Variants in PARP1 observed in about 807,000 individuals in gnomAD.
PARP1 encodes poly [ADP-ribose] polymerase 1.
A neutral mutation model predicts 118.7 loss-of-function variants in PARP1; 44 were observed. The observed-to-expected ratio is 0.37, with a 90% CI of 0.29 to 0.48. PARP1 has a LOEUF of 0.48. Among genes scored for constraint, PARP1 ranks in the 20% least tolerant of loss-of-function variants. The pLI, the probability that PARP1 is intolerant of heterozygous loss-of-function variation, is 0.99. For synonymous variants in PARP1, 492 were observed against 483.2 expected (o/e 1.02, Z -0.24); for missense variants, 1,100 against 1,272.4 (o/e 0.86, Z 2.06).
chr1:226,366,479 C>A, intron 17 of PARP1: 1 of 242,938 alleles, frequency 4.1e-6, no homozygotes, highest in South Asian at 5.7e-5. Context: ...TGGCTCAGAG[C>A]ACAGGCCTAA....
At chr1:226,406,740 T>TA (rs1358282775) in intron 1 of PARP1, among the ~76,000 whole-genome samples, 1 of 152,206 alleles carries the variant, frequency 6.6e-6, no homozygotes, top group Non-Finnish European at 1.5e-5. Context: ...CTGACTTAGG[T>TA]ATGCCCCGAG....
intron 1 of PARP1, among the ~76,000 whole-genome samples, chr1:226,404,392 T>C (rs1665097023): frequency 6.6e-6 from 1 of 152,256 alleles, no homozygotes; most frequent in Admixed American, 6.5e-5. Flanking sequence ...GGCCTCGACC[T>C]GGCTCTGCCT....
intron 13 of PARP1, 55 bp from the exon 14 acceptor site, chr1:226,374,409 A>G: frequency 6.2e-7 from 1 of 1,610,788 alleles, no homozygotes; most frequent in South Asian, 1.1e-5. Context: ...CAAGCAAGGT[A>G]TCTGCGTCTG....
chr1:226,408,081 C>T lies in PARP1; in HGVS notation c.-152G>A. 1.7e-6 allele frequency: 2 copies of T among 1,146,888 alleles called. No individual in the cohort carries two copies. The highest frequency in any genetic ancestry group is 2.5e-6 in the Non-Finnish European group (2 of 798,022). The allele number at this position is 1,146,888 out of a possible 1,614,324, so 71.0% of individuals were successfully genotyped here. A position where few individuals can be genotyped will look rare whatever the true frequency, so the allele number is the denominator to read the frequency against. On this transcript the variant is annotated 5_prime_UTR_variant, in exon 1 of 23. Coordinates refer to ENST00000366794, the MANE Select transcript of PARP1 (RefSeq NM_001618.4). ...ACGCCGCACCGGCCACCGCCGTTCCCTGATAGATTGCTGATGCCTGGCCGC... is the reference window on the plus strand; with the variant it reads ...ACGCCGCACCGGCCACCGCCGTTCCTTGATAGATTGCTGATGCCTGGCCGC...
intron 16 of PARP1, 29 bp downstream of exon 16, chr1:226,368,170 C>A (rs770245090): frequency 3.7e-6 from 6 of 1,613,846 alleles, no homozygotes; most frequent in Admixed American, 1.7e-5. Flanking sequence ...CCCAGCAGAC[C>A]TGCAGTCCCT....
At position 226,388,635 on chromosome 1, in the gene PARP1, GAC is replaced by G. The variant is rs1433540049; in HGVS notation, c.717+19_717+20del. On this transcript the variant is annotated intron_variant, in intron 5 of 22. Coordinates refer to ENST00000366794, the MANE Select transcript of PARP1 (RefSeq NM_001618.4). ...TCCAGACAGCAGAATGTCGAAAGGA[GAC>G]ACAGAGCTGAGAACTCACCTTTAGG... is the stretch of plus-strand genomic sequence containing the variant. 2.0e-6 allele frequency: 3 copies of G among 1,472,768 alleles called. No homozygotes were observed. The highest frequency in any genetic ancestry group is 2.9e-6 in the Non-Finnish European group (3 of 1,051,046). 91.2% of individuals were successfully genotyped at this position (1,472,768 alleles called of 1,614,324 possible). A position where few individuals can be genotyped will look rare whatever the true frequency, so the allele number is the denominator to read the frequency against.
intron 7 of PARP1, among the ~76,000 whole-genome samples, chr1:226,385,181 C>T (rs148591128): frequency 3.3e-5 from 5 of 152,336 alleles, no homozygotes; most frequent in African/African-American, 1.2e-4. Context: ...GAATTACTAT[C>T]CATTTCTTCA....
At chr1:226,402,467 TC>T in intron 1 of PARP1, 88 bp from the exon 2 acceptor site, 1 of 1,280,334 alleles carries the variant, frequency 7.8e-7, no homozygotes, top group Non-Finnish European at 1.1e-6. Flanking sequence ...TCGACCCCAG[TC>T]CCAGCCCCAG....
chr1:226,379,654 C>G lies in PARP1; in HGVS notation c.1544-13G>C. ...GATTTGTTGATACCTTGGAGGAGAA[C>G]AGAAAAATGTAAACATGAAGTTAAA... is the stretch of plus-strand genomic sequence containing the variant. On this transcript the variant is annotated splice_polypyrimidine_tract_variant and intron_variant, in intron 10 of 22. Transcript: ENST00000366794. The G allele has an allele frequency of 6.3e-7, 1 of 1,591,948 alleles. No individual in the cohort carries two copies. The highest frequency in any genetic ancestry group is 8.6e-7 in the Non-Finnish European group (1 of 1,161,932).
At chr1:226,362,143 G>A (rs1664155611) in intron 21 of PARP1, 60 bp from the exon 22 acceptor site, 2 of 927,702 alleles carry the variant, frequency 2.2e-6, no homozygotes, top group Non-Finnish European at 3.6e-6. Context: ...AAAGCTTCCA[G>A]GGAGATGAGC....
chr1:226,362,334 C>A, intron 21 of PARP1: 1 of 455,786 alleles, frequency 2.2e-6, no homozygotes, highest in Non-Finnish European at 4.0e-6. Context: ...TACAGGTGCG[C>A]GCCACCACAC....
At chr1:226,392,920 A>T in intron 2 of PARP1, 1 of 1,565,542 alleles carries the variant, frequency 6.4e-7, no homozygotes, top group African/African-American at 1.4e-5. Context: ...TTCTTGCCTA[A>T]GATTAGGAAT....
intron 16 of PARP1, 60 bp downstream of exon 16, chr1:226,368,139 T>G: frequency 6.2e-7 from 1 of 1,609,778 alleles, no homozygotes; most frequent in African/African-American, 1.3e-5. Context: ...GAGGGACGGC[T>G]GCAAGGTAGT....
At chr1:226,403,491 G>T (rs1178728310) in intron 1 of PARP1, among the ~76,000 whole-genome samples, 1 of 152,234 alleles carries the variant, frequency 6.6e-6, no homozygotes, top group African/African-American at 2.4e-5. Context: ...GCTTTACAGA[G>T]TGGACGGTGA....
chr1:226,378,999 A>T, intron 12 of PARP1, 143 bp downstream of exon 12: 1 of 986,716 alleles, frequency 1.0e-6, no homozygotes, highest in Non-Finnish European at 1.6e-6. Flanking sequence ...CAAAGGCCTT[A>T]TAATTTGTTT....
chr1:226,379,473 A>G, intron 11 of PARP1, 100 bp downstream of exon 11: 1 of 1,157,364 alleles, frequency 8.6e-7, no homozygotes, highest in African/African-American at 1.5e-5. Flanking sequence ...GCACGACCAC[A>G]CTGCCCCAGG....
chr1:226,392,433 G>C, intron 2 of PARP1, 119 bp from the exon 3 acceptor site: 1 of 763,870 alleles, frequency 1.3e-6, no homozygotes, highest in East Asian at 2.5e-5. Context: ...TGCCTTGGGA[G>C]ACTACGATTG....
intron 1 of PARP1, 122 bp downstream of exon 1, chr1:226,407,688 C>G (rs4653734): frequency 0.15 from 142,229 of 955,396 alleles, 13,099 homozygotes; most frequent in African/African-American, 0.35. Context: ...CCATAGGCCC[C>G]AAGTGCCGCT....
intron 15 of PARP1, 125 bp from the exon 16 acceptor site, chr1:226,368,446 C>T (rs1664316745): frequency 5.8e-6 from 7 of 1,213,828 alleles, no homozygotes; most frequent in Middle Eastern, 2.2e-4. Context: ...GTGCACATGC[C>T]AGGACACATG....
Sources: allele counts gnomAD v4.1 joint callset (sites outside exome capture counted in the v4.1 genomes callset), GRCh38; gene constraint gnomAD v4.1.1; transcripts MANE v1.5; gene names NCBI Gene and HGNC (gene_info 2026-07-23, HGNC 2026-07-21).